The following TLK1 variants were observed in gnomAD, a reference collection of about 807,000 sequenced individuals.
TLK1 encodes serine/threonine-protein kinase tousled-like 1.
A neutral mutation model predicts 105.3 loss-of-function variants in TLK1; 24 were observed. The observed-to-expected ratio is 0.23, with a 90% CI of 0.17 to 0.32. The LOEUF (loss-of-function observed/expected upper bound fraction) is 0.32, where lower values mean the gene tolerates loss of function less well. Among genes scored for constraint, TLK1 ranks in the 10% least tolerant of loss-of-function variants. The pLI is 1.00. For synonymous variants in TLK1, 321 were observed against 310.4 expected, an observed-to-expected ratio of 1.03 and a Z score of -0.36; for missense variants, 558 against 910.5, an observed-to-expected ratio of 0.61 and a Z score of 4.98.
chr2:171,014,940 T>C lies in TLK1; in HGVS notation c.1245A>G (p.Ala415=), dbSNP rs1559342851. ...LRLGHLKKEE[A]EIQAELERLE... ...AACGTTCAAGTTCTGCCTGGATTTC[T>C]GCCTCTTCCTGAAAATGAAGAGAGG... The change falls in exon 13 of 21, where the codon GCA becomes GCG. Residue 415 remains alanine, a synonymous_variant. Coordinates refer to ENST00000431350, the MANE Select transcript of TLK1 (RefSeq NM_012290.5). 2 of 1,613,398 alleles carry C rather than the reference T, an allele frequency of 1.2e-6. No homozygotes were observed. Among genetic ancestry groups the C allele is most frequent in the African/African-American group, 1.3e-5 (1 of 75,038 alleles).
intron 3 of TLK1, chr2:171,066,725 C>A (rs531186918): frequency 3.0e-6 from 3 of 1,002,842 alleles, no homozygotes; most frequent in African/African-American, 3.3e-5. Context: ...TTATCACTTA[C>A]GTAGTCTATT....
Position 171,129,830 on chromosome 2 carries a change from AATAACATAACATAACATAAC to A in TLK1, c.140-11993_140-11974del, listed in dbSNP as rs3084410. 1.9e-3 allele frequency among the ~76,000 whole-genome samples: 276 copies of A among 142,678 alleles called. 3 individuals are homozygous for A. Among genetic ancestry groups the A allele is most frequent in the African/African-American group, 5.8e-3 (219 of 38,084 alleles). 93.6% of individuals were successfully genotyped at this position (142,678 alleles called of 152,430 possible). On this transcript the variant is annotated intron_variant, in intron 1 of 20. Coordinates refer to ENST00000431350, the MANE Select transcript of TLK1 (RefSeq NM_012290.5). ...AGCCTGGGATATAGATAGGTTACCA[AATAACATAACATAACATAAC>A]ATAACATAACATAACATAACATAAC... is the stretch of plus-strand genomic sequence containing the variant.
At chr2:171,070,787 T>C (rs1055418646) in intron 3 of TLK1, among the ~76,000 whole-genome samples, 2 of 152,234 alleles carry the variant, frequency 1.3e-5, no homozygotes, top group Non-Finnish European at 1.5e-5. Context: ...GGTATATATC[T>C]AGCAGTGGAA....
intron 5 of TLK1, among the ~76,000 whole-genome samples, chr2:171,057,472 T>A (rs566049599): frequency 6.6e-6 from 1 of 152,046 alleles, no homozygotes; most frequent in African/African-American, 2.4e-5. Flanking sequence ...ATTAATGATA[T>A]CAGTAAGTGA....
chr2:171,055,672 T>A (rs956760229), intron 6 of TLK1, among the ~76,000 whole-genome samples: 2 of 152,030 alleles, frequency 1.3e-5, no homozygotes, highest in Non-Finnish European at 2.9e-5. Flanking sequence ...GCGCTATCAC[T>A]ACAACTCTTA....
At chr2:171,116,517 T>C (rs1489976676) in intron 2 of TLK1, among the ~76,000 whole-genome samples, 2 of 151,978 alleles carry the variant, frequency 1.3e-5, no homozygotes, top group African/African-American at 4.8e-5. Context: ...CTGGCCAGCA[T>C]GGTAAAACCC....
intron 1 of TLK1, among the ~76,000 whole-genome samples, chr2:171,219,229 C>T (rs541756071): frequency 7.9e-5 from 12 of 152,326 alleles, no homozygotes; most frequent in South Asian, 4.1e-4. Flanking sequence ...GGGCTGCACA[C>T]CCTCTGTAGT....
chr2:171,103,281 T>TATATATATATATATATATATATATATAA (rs1018211660), intron 2 of TLK1, among the ~76,000 whole-genome samples: 6 of 150,048 alleles, frequency 4.0e-5, no homozygotes, highest in Admixed American at 1.3e-4. Flanking sequence ...TATATATATA[T>TATATATATATATATATATATATATATAA]AATTTTTTTT....
chr2:171,147,686 G>A (rs1372487524), intron 1 of TLK1, among the ~76,000 whole-genome samples: 1 of 152,170 alleles, frequency 6.6e-6, no homozygotes, highest in Non-Finnish European at 1.5e-5. Flanking sequence ...TGACTTAGAT[G>A]GTCTGTTTCT....
intron 3 of TLK1, among the ~76,000 whole-genome samples, chr2:171,068,624 C>A (rs1688121065): frequency 1.3e-5 from 2 of 152,156 alleles, no homozygotes; most frequent in African/African-American, 2.4e-5. Context: ...CCAAAGGAAT[C>A]ATTAATTTTA....
At chr2:171,099,343 T>C (rs527557117) in intron 2 of TLK1, among the ~76,000 whole-genome samples, 203 of 152,206 alleles carry the variant, frequency 1.3e-3, no homozygotes, top group Middle Eastern at 3.4e-3. Flanking sequence ...AAAAACATCA[T>C]TGAAAGAAAA....
chr2:171,042,550 T>C (rs958969038), intron 11 of TLK1, among the ~76,000 whole-genome samples: 3 of 152,164 alleles, frequency 2.0e-5, no homozygotes, highest in Admixed American at 2.0e-4. Context: ...CCAGCCTAAA[T>C]GCTTGTGTAT....
chr2:171,076,245 G>A (rs1392354579), intron 3 of TLK1, among the ~76,000 whole-genome samples: 1 of 151,750 alleles, frequency 6.6e-6, no homozygotes. Context: ...AAAGAGGTAG[G>A]GGCCTCATGA....
intron 1 of TLK1, among the ~76,000 whole-genome samples, chr2:171,147,714 T>A (rs554617077): frequency 6.6e-6 from 1 of 152,214 alleles, no homozygotes; most frequent in African/African-American, 2.4e-5. Context: ...GTTGAAGAAC[T>A]GTAGCTCACA....
intron 11 of TLK1, among the ~76,000 whole-genome samples, chr2:171,038,026 T>C (rs1686457899): frequency 6.6e-6 from 1 of 152,226 alleles, no homozygotes; most frequent in Non-Finnish European, 1.5e-5. Context: ...AGATTCACTT[T>C]ATTTAATAGT....
At chr2:171,213,539 T>C (rs936447573) in intron 1 of TLK1, among the ~76,000 whole-genome samples, 1 of 151,446 alleles carries the variant, frequency 6.6e-6, no homozygotes. Context: ...TTATTTTAGT[T>C]TGGGCCCGGT....
At chr2:171,149,439 T>G (rs1255330660) in intron 1 of TLK1, among the ~76,000 whole-genome samples, 1 of 152,156 alleles carries the variant, frequency 6.6e-6, no homozygotes, top group African/African-American at 2.4e-5. Flanking sequence ...TTGAAACTAT[T>G]ATGTTATATT....
intron 11 of TLK1, among the ~76,000 whole-genome samples, chr2:171,041,003 A>G (rs1054014198): frequency 2.6e-5 from 4 of 152,238 alleles, no homozygotes; most frequent in African/African-American, 9.6e-5. Flanking sequence ...GAAACATGCA[A>G]CATGTAAGTC....
At chr2:171,095,276 G>A (rs1689405670) in intron 2 of TLK1, among the ~76,000 whole-genome samples, 1 of 151,184 alleles carries the variant, frequency 6.6e-6, no homozygotes, top group Non-Finnish European at 1.5e-5. Context: ...ATATATCACA[G>A]CAGAAACAAA....
Sources: allele counts gnomAD v4.1 joint callset (sites outside exome capture counted in the v4.1 genomes callset), GRCh38; gene constraint gnomAD v4.1.1; transcripts MANE v1.5; gene names NCBI Gene and HGNC (gene_info 2026-07-23, HGNC 2026-07-21).